Variants in ZFTRAF1 observed in about 807,000 individuals in gnomAD.
ZFTRAF1 encodes the protein zinc finger TRAF-type-containing protein 1.
the ZFTRAF1 span, among the ~76,000 whole-genome samples, chr8:144,460,415 G>A: frequency 2.6e-5 from 4 of 152,232 alleles, no homozygotes; most frequent in Admixed American, 6.5e-5. Context: ...ACTCTGTGCC[G>A]GGCCAGTCTA....
chr8:144,453,484 A>G, the ZFTRAF1 span: 1 of 1,537,040 alleles, frequency 6.5e-7, no homozygotes, highest in East Asian at 2.5e-5. Context: ...AAGGGAGACG[A>G]AGCTCACAGA....
the ZFTRAF1 span, chr8:144,453,814 A>T: frequency 4.2e-6 from 1 of 240,438 alleles, no homozygotes; most frequent in South Asian, 6.3e-5. Flanking sequence ...ACAGGTCCAG[A>T]GTTTGGGAGC....
the ZFTRAF1 span, chr8:144,451,016 CGT>C: frequency 4.0e-6 from 2 of 503,912 alleles, no homozygotes; most frequent in Admixed American, 3.3e-5. Flanking sequence ...AGAGGCTGCA[CGT>C]GTCAGGCCAC....
chr8:144,459,263 C>T, the ZFTRAF1 span, among the ~76,000 whole-genome samples: 2 of 152,232 alleles, frequency 1.3e-5, no homozygotes, highest in Non-Finnish European at 2.9e-5. Flanking sequence ...ACCTGCGCGG[C>T]CTGGTCAGGC....
At chr8:144,458,198 AT>A in the ZFTRAF1 span, among the ~76,000 whole-genome samples, 1 of 152,224 alleles carries the variant, frequency 6.6e-6, no homozygotes, top group Non-Finnish European at 1.5e-5. Context: ...CCCAGGCTGG[AT>A]TTGAAGTCCC....
At chr8:144,452,341 G>A in the ZFTRAF1 span, 2 of 1,546,820 alleles carry the variant, frequency 1.3e-6, no homozygotes, top group Non-Finnish European at 1.7e-6. Flanking sequence ...GCATGCAGCA[G>A]GCGGCGGGGC....
chr8:144,459,416 C>T, the ZFTRAF1 span, among the ~76,000 whole-genome samples: 1 of 152,398 alleles, frequency 6.6e-6, no homozygotes, highest in South Asian at 2.1e-4. Flanking sequence ...AAAGCTGAGT[C>T]TTGCTGTACT....
At chr8:144,457,739 T>C in the ZFTRAF1 span, 1 of 152,290 alleles carries the variant, frequency 6.6e-6, no homozygotes, top group African/African-American at 2.4e-5. Context: ...CCCCACGATT[T>C]CCTGGTGGTC....
the ZFTRAF1 span, chr8:144,453,630 G>A: frequency 6.4e-6 from 4 of 620,624 alleles, no homozygotes; most frequent in African/African-American, 3.7e-5. Context: ...ACTGCGAGCT[G>A]CTCAGGAGAA....
chr8:144,452,815 G>A, the ZFTRAF1 span, among the ~76,000 whole-genome samples: 1 of 152,238 alleles, frequency 6.6e-6, no homozygotes, highest in Non-Finnish European at 1.5e-5. Flanking sequence ...ACCATGGCGT[G>A]GTTCTCTCCT....
At chr8:144,450,945 G>A in the ZFTRAF1 span, among the ~76,000 whole-genome samples, 2 of 152,172 alleles carry the variant, frequency 1.3e-5, no homozygotes, top group Non-Finnish European at 2.9e-5. Flanking sequence ...AAATGGAGGT[G>A]CACACAAGCT....
At chr8:144,451,247 C>A in the ZFTRAF1 span, 1 of 163,180 alleles carries the variant, frequency 6.1e-6, no homozygotes, top group Admixed American at 5.6e-5. Flanking sequence ...CGGGCCTGAT[C>A]CGGAGCTGCC....
At chr8:144,450,222 C>T in the ZFTRAF1 span, 64 of 597,512 alleles carry the variant, frequency 1.1e-4, no homozygotes, top group South Asian at 1.6e-4. Flanking sequence ...GGGGCCCCGT[C>T]GCGCACGCAT....
the ZFTRAF1 span, chr8:144,454,669 C>G: frequency 1.3e-5 from 2 of 152,316 alleles, no homozygotes; most frequent in Non-Finnish European, 2.9e-5. Flanking sequence ...CCTGCCCAGG[C>G]CCAGCCTCTC....
chr8:144,455,681 C>T, the ZFTRAF1 span: 1 of 152,290 alleles, frequency 6.6e-6, no homozygotes, highest in Non-Finnish European at 1.5e-5. Flanking sequence ...TTAGCACAGG[C>T]AAAACAGCAC....
the ZFTRAF1 span, chr8:144,457,641 C>G: frequency 7.2e-5 from 11 of 152,228 alleles, no homozygotes; most frequent in African/African-American, 2.2e-4. Flanking sequence ...AGGGTCTCCA[C>G]CTGAGCTACT....
chr8:144,454,890 G>A, the ZFTRAF1 span: 3 of 152,320 alleles, frequency 2.0e-5, no homozygotes, highest in Non-Finnish European at 2.9e-5. Context: ...TGTGGACTAG[G>A]CCTAAGGCCT....
At chr8:144,457,633 G>A in the ZFTRAF1 span, 4 of 152,162 alleles carry the variant, frequency 2.6e-5, no homozygotes, top group African/African-American at 9.7e-5. Context: ...GCAGACCCAG[G>A]GTCTCCACCT....
the ZFTRAF1 span, chr8:144,453,339 C>G: frequency 6.4e-7 from 1 of 1,551,184 alleles, no homozygotes. Flanking sequence ...CAGGTTCCGG[C>G]AGCAGAGGCT....
Sources: allele counts gnomAD v4.1 joint callset (sites outside exome capture counted in the v4.1 genomes callset), GRCh38; gene constraint gnomAD v4.1.1; transcripts MANE v1.5; gene names NCBI Gene and HGNC (gene_info 2026-07-23, HGNC 2026-07-21).